Variants in C14orf132 observed in about 807,000 individuals in gnomAD.
C14orf132 encodes uncharacterized protein C14orf132.
In C14orf132, 6 loss-of-function variants were observed where a neutral mutation model predicts 5.8. That is an observed-to-expected ratio of 1.03 (90% confidence interval 0.57 to 2.04). The LOEUF (loss-of-function observed/expected upper bound fraction) is 2.04. Among genes scored for constraint, C14orf132 ranks in the 30% most tolerant of loss-of-function variants. The probability of loss-of-function intolerance (pLI) is 0.00; values close to 1 mark genes in which losing one functional copy is unlikely to be tolerated. For missense variants in C14orf132, 125 were observed against 115.8 expected, an observed-to-expected ratio of 1.08 and a Z score of -0.37; for synonymous variants, 51 against 49.8, an observed-to-expected ratio of 1.02 and a Z score of -0.10.
intron 1 of C14orf132, among the ~76,000 whole-genome samples, chr14:96,069,950 A>G (rs1887655583): frequency 6.6e-6 from 1 of 152,232 alleles, no homozygotes. Flanking sequence ...CATTTCTTCC[A>G]GGGCCTTCCA....
chr14:96,052,814 C>T (rs1314968170), intron 1 of C14orf132, among the ~76,000 whole-genome samples: 30 of 152,176 alleles, frequency 2.0e-4, no homozygotes, highest in Admixed American at 2.0e-3. Flanking sequence ...GCAGTACCCT[C>T]TTCTTCCTCT....
At chr14:96,084,251 C>T (rs918872951) in intron 1 of C14orf132, among the ~76,000 whole-genome samples, 1 of 152,166 alleles carries the variant, frequency 6.6e-6, no homozygotes, top group African/African-American at 2.4e-5. Context: ...GACAGGAACG[C>T]TGGTTAATTC....
chr14:96,086,823 A>T lies in C14orf132; in HGVS notation c.*88A>T. The stretch of plus-strand genomic sequence containing the variant: ...CCTTTGGCTTCTCCTGTGTTCTAGA[A>T]CCAGGAGTTTTGACCAGGGGCGGCG... On this transcript the variant is annotated 3_prime_UTR_variant, in exon 2 of 2. Transcript: ENST00000555004. 7.4e-7 allele frequency: 1 copy of T among 1,345,288 alleles called. No individual in the cohort carries two copies. Among genetic ancestry groups the T allele is most frequent in the Non-Finnish European group, 1.0e-6 (1 of 996,268 alleles). The allele number at this position is 1,345,288 out of a possible 1,614,324, so 83.3% of individuals were successfully genotyped here.
At chr14:96,061,545 T>C (rs1394300959) in intron 1 of C14orf132, among the ~76,000 whole-genome samples, 1 of 152,198 alleles carries the variant, frequency 6.6e-6, no homozygotes, top group Non-Finnish European at 1.5e-5. Context: ...GGGGTTCTGA[T>C]TCTCTGTGGG....
At chr14:96,060,398 A>G (rs1209519996) in intron 1 of C14orf132, among the ~76,000 whole-genome samples, 1 of 152,196 alleles carries the variant, frequency 6.6e-6, no homozygotes, top group Non-Finnish European at 1.5e-5. Flanking sequence ...CAGCTGTTCT[A>G]TTGGCACGGT....
intron 1 of C14orf132, among the ~76,000 whole-genome samples, chr14:96,056,809 C>T (rs573783356): frequency 1.2e-4 from 18 of 152,248 alleles, no homozygotes; most frequent in South Asian, 4.2e-4. Context: ...TTCTTTATAG[C>T]CTCACACAAT....
At chr14:96,043,485 C>T (rs1273336544) in intron 1 of C14orf132, among the ~76,000 whole-genome samples, 3 of 152,148 alleles carry the variant, frequency 2.0e-5, no homozygotes, top group African/African-American at 7.2e-5. Flanking sequence ...TGCACTGTCC[C>T]GTCCCTGCAG....
chr14:96,074,620 GTC>G (rs1189081228), intron 1 of C14orf132, among the ~76,000 whole-genome samples: 2 of 150,224 alleles, frequency 1.3e-5, no homozygotes, highest in Non-Finnish European at 3.0e-5. Context: ...CACATATTCT[GTC>G]TCTCTATATA....
chr14:96,040,318 G>A lies in C14orf132; in HGVS notation c.27+791G>A, dbSNP rs537352447. ...ATTTCTCCATCAGTCTGTGACCCTA[G>A]AGAAGACCCAGAGCTGGCTCCAGGG... is the stretch of plus-strand genomic sequence containing the variant. On this transcript the variant is annotated intron_variant, in intron 1 of 1. Transcript: ENST00000555004. 40 of 398,600 alleles carry A rather than the reference G, an allele frequency of 1.0e-4. No individual in the cohort carries two copies. In the Admixed American group the frequency reaches 1.6e-3, roughly 16 times the overall value. 24.7% of individuals were successfully genotyped at this position (398,600 alleles called of 1,614,324 possible). A position where few individuals can be genotyped will look rare whatever the true frequency, so the allele number is the denominator to read the frequency against.
intron 1 of C14orf132, among the ~76,000 whole-genome samples, chr14:96,077,396 G>T (rs748141377): frequency 7.2e-5 from 11 of 152,066 alleles, no homozygotes; most frequent in Non-Finnish European, 1.5e-4. Context: ...TTGGAGATAG[G>T]GTCTTTAAAG....
intron 1 of C14orf132, among the ~76,000 whole-genome samples, chr14:96,056,170 T>C (rs1887177500): frequency 6.6e-6 from 1 of 152,192 alleles, no homozygotes; most frequent in African/African-American, 2.4e-5. Context: ...AGGGAACTTA[T>C]TAGAAAAAGC....
chr14:96,073,532 C>A (rs28884937), intron 1 of C14orf132, among the ~76,000 whole-genome samples: 1,737 of 152,280 alleles, frequency 0.011, 30 homozygotes, highest in African/African-American at 0.039. Context: ...AGTCAAGAAA[C>A]AACAGATGCT....
At chr14:96,043,587 G>C (rs1391844232) in intron 1 of C14orf132, among the ~76,000 whole-genome samples, 2 of 152,092 alleles carry the variant, frequency 1.3e-5, no homozygotes, top group Non-Finnish European at 2.9e-5. Context: ...TCTCACCTCC[G>C]ATACTCCCAT....
chr14:96,064,359 T>TACACACAC lies in C14orf132; in HGVS notation c.28-22151_28-22150insCACACACA, dbSNP rs766139041. Among the ~76,000 whole-genome samples, 79 of 98,684 alleles carry TACACACAC rather than the reference T, an allele frequency of 8.0e-4. 1 individual carries two copies. The highest frequency in any genetic ancestry group is 2.3e-3 in the South Asian group (7 of 2,988). The allele number at this position is 98,684 out of a possible 152,430, so 64.7% of individuals were successfully genotyped here. On this transcript the variant is annotated intron_variant, in intron 1 of 1. Transcript: ENST00000555004. Reference sequence around the variant, plus strand: ...GAGTGGATAAAGAAACTAGGGTGCATATATACACACACACACACACACACA... The same window carrying TACACACAC: ...GAGTGGATAAAGAAACTAGGGTGCATACACACACATATACACACACACACACACACACA...
chr14:96,044,594 G>A lies in C14orf132; in HGVS notation c.27+5067G>A, dbSNP rs1033961923. Among the ~76,000 whole-genome samples, 11 of 152,334 alleles carry A rather than the reference G, an allele frequency of 7.2e-5. 1 individual carries two copies. Among genetic ancestry groups the A allele is most frequent in the East Asian group, 1.9e-4 (1 of 5,188 alleles). On this transcript the variant is annotated intron_variant, in intron 1 of 1. Transcript: ENST00000555004. ...CAGAAATTCATTCTGTCATGGTTCT[G>A]GAGGCTGGAAGTCCACAATCCAGGT...
intron 1 of C14orf132, among the ~76,000 whole-genome samples, chr14:96,048,611 GC>G (rs1043205628): frequency 2.6e-4 from 40 of 151,798 alleles, no homozygotes; most frequent in African/African-American, 9.4e-4. Context: ...TGCAATCTCT[GC>G]CCCCCCGGGT....
chr14:96,077,389 G>A (rs1887901604), intron 1 of C14orf132, among the ~76,000 whole-genome samples: 1 of 152,114 alleles, frequency 6.6e-6, no homozygotes, highest in Non-Finnish European at 1.5e-5. Context: ...AGTGTATTTG[G>A]AGATAGGGTC....
At chr14:96,042,532 T>A (rs80130794) in intron 1 of C14orf132, among the ~76,000 whole-genome samples, 2,872 of 152,322 alleles carry the variant, frequency 0.019, 87 homozygotes, top group African/African-American at 0.066. Context: ...TTCCCCATGT[T>A]GTTAAATGTG....
In C14orf132 at chr14:96,092,021, G is replaced by A. The variant is rs1286993796; in HGVS notation, c.*5286G>A. Reference sequence around the variant, plus strand: ...ATCTTCATGACTGAAGACGATCAAAGACTCCCTGGAGCGAGAAAACAGTTA... The same window carrying A: ...ATCTTCATGACTGAAGACGATCAAAAACTCCCTGGAGCGAGAAAACAGTTA... On this transcript the variant is annotated 3_prime_UTR_variant, in exon 2 of 2. Transcript: ENST00000555004. The A allele has an allele frequency of 1.3e-5, 2 of 152,212 alleles. No individual in the cohort carries two copies. The highest frequency in any genetic ancestry group is 4.8e-5 in the African/African-American group (2 of 41,432). 9.4% of individuals were successfully genotyped at this position (152,212 alleles called of 1,614,324 possible).
Sources: gnomAD v4.1 joint callset for allele counts (sites outside exome capture counted in the v4.1 genomes callset) on GRCh38, gnomAD v4.1.1 for gene constraint, MANE v1.5 for transcripts, NCBI Gene and HGNC (gene_info 2026-07-23, HGNC 2026-07-21) for gene names.